The following KMT2A variants were observed in gnomAD, a reference collection of about 807,000 sequenced individuals.
KMT2A encodes the protein lysine methyltransferase 2A.
A neutral mutation model predicts 345.3 loss-of-function variants in KMT2A; 16 were observed. The observed-to-expected ratio is 0.05, with a 90% confidence interval of 0.03 to 0.07. The LOEUF is 0.07. KMT2A is among the 10% of genes least tolerant of loss of function. The probability of loss-of-function intolerance (pLI) is 1.00; values close to 1 mark genes in which losing one functional copy is unlikely to be tolerated. For missense variants in KMT2A, 3,272 were observed against 4,841.6 expected (o/e 0.68, Z 9.62); for synonymous variants, 1,599 against 1,778.6 (o/e 0.90, Z 2.54).
chr11:118,480,991 G>T (rs1950121156), intron 6 of KMT2A, among the ~76,000 whole-genome samples: 1 of 152,052 alleles, frequency 6.6e-6, no homozygotes, highest in African/African-American at 2.4e-5. Context: ...ATATTTATGG[G>T]GGTACATGAG....
At chr11:118,507,788 C>T (rs782182398) in intron 28 of KMT2A, 179 bp downstream of exon 28, 3 of 540,454 alleles carry the variant, frequency 5.6e-6, no homozygotes, top group Non-Finnish European at 1.0e-5. Context: ...GGTGAAACCC[C>T]GTCTCTACTA....
chr11:118,474,726 A>G (rs1489009432), intron 3 of KMT2A, among the ~76,000 whole-genome samples: 3 of 152,162 alleles, frequency 2.0e-5, no homozygotes, highest in African/African-American at 7.2e-5. Context: ...TAATAGTCAA[A>G]TTGTTTTACT....
At chr11:118,499,715 G>T in intron 23 of KMT2A, 120 bp from the exon 24 acceptor site, 1 of 752,968 alleles carries the variant, frequency 1.3e-6, no homozygotes. Context: ...CGGAGGCAGA[G>T]GCTGCAGTGA....
chr11:118,451,134 C>G (rs1555028716), intron 1 of KMT2A, among the ~76,000 whole-genome samples: 1 of 151,460 alleles, frequency 6.6e-6, no homozygotes, highest in East Asian at 1.9e-4. Flanking sequence ...CTTTTATACT[C>G]TAGGTGGATG....
intron 31 of KMT2A, 176 bp from the exon 32 acceptor site, chr11:118,519,442 G>T (rs1555052730): frequency 3.6e-6 from 2 of 560,926 alleles, no homozygotes; most frequent in South Asian, 2.9e-5. Flanking sequence ...CATATTGATA[G>T]ATCTGTATCA....
At position 118,506,536 on chromosome 11, in the gene KMT2A, G is replaced by A. The variant is rs1309149492; in HGVS notation, c.10644G>A (p.Leu3548=). The stretch of plus-strand genomic sequence containing the variant: ...AACCAAAAACCAAACGGTTTCAGCT[G>A]CCTCTAGACAAAGGGAATGGCAAGA... ...KPKPKTKRFQ[L]PLDKGNGKKH... The change falls in exon 27 of 36, where the codon CTG becomes CTA. Residue 3548 remains leucine (L), a synonymous_variant. Transcript: ENST00000534358. The A allele has an allele frequency of 6.2e-7, 1 of 1,614,088 alleles. No individual in the cohort carries two copies. The highest frequency in any genetic ancestry group is 1.3e-5 in the African/African-American group (1 of 74,930).
intron 1 of KMT2A, among the ~76,000 whole-genome samples, chr11:118,438,557 GAT>G (rs1949248261): frequency 6.6e-6 from 1 of 152,104 alleles, no homozygotes; most frequent in South Asian, 2.1e-4. Context: ...GAAAGGGAAA[GAT>G]AACAACCAGC....
chr11:118,504,475 A>C lies in KMT2A; in HGVS notation c.8583A>C (p.Pro2861=). The C allele has an allele frequency of 6.2e-7, 1 of 1,614,182 alleles. No homozygotes were observed. Among genetic ancestry groups the C allele is most frequent in the Non-Finnish European group, 8.5e-7 (1 of 1,180,020 alleles). Residue 2861 remains proline, a synonymous_variant, in exon 27 of 36, where the codon CCA becomes CCC. Coordinates refer to ENST00000534358, the MANE Select transcript of KMT2A (RefSeq NM_001197104.2). The surrounding 1 kb of genome is among the most constrained non-coding windows in gnomAD (Gnocchi z 6.4). ...DIMDFVLKNT[P]SMQALGESPE... ...TGGACTTTGTACTAAAGAATACTCC[A>C]TCCATGCAGGCTTTGGGTGAGAGCC...
At position 118,510,720 on chromosome 11, in the gene KMT2A, A is replaced by T. The variant is rs1164776282; in HGVS notation, c.11071+602A>T. Among the ~76,000 whole-genome samples, 4 of 152,238 alleles carry T rather than the reference A, an allele frequency of 2.6e-5. No individual in the cohort carries two copies. Among genetic ancestry groups the T allele is most frequent in the Admixed American group, 1.3e-4 (2 of 15,286 alleles). On this transcript the variant is annotated intron_variant, in intron 30 of 35. Coordinates refer to ENST00000534358, the MANE Select transcript of KMT2A (RefSeq NM_001197104.2). The surrounding 1 kb of genome is among the most constrained non-coding windows in gnomAD (Gnocchi z 4.1). The stretch of plus-strand genomic sequence containing the variant: ...TCTTATTCATCTTTGTATCGCAAGC[A>T]TCTAAGTGTTCATCCACCTTTGAAG...
rs1949964915 is a variant in KMT2A, at chr11:118,472,714, C to T, written c.1555C>T (p.Pro519Ser). ...TCCTCCACTGCCCATTTCCCAGTCC[C>T]CAGAAAATGAGAGTAATGATAGGAG... Reference protein sequence around the residue: ...VHPPLPISQSPENESNDRRSR... With the variant: ...VHPPLPISQSSENESNDRRSR... The change falls in exon 3 of 36, where the codon CCA becomes TCA. Residue 519 changes from proline to serine, a missense_variant. This residue lies in a region of KMT2A where 180 missense variants were observed against 190.7 expected (regional missense o/e 0.94). Coordinates refer to ENST00000534358, the MANE Select transcript of KMT2A (RefSeq NM_001197104.2). The T allele has an allele frequency of 1.2e-6, 2 of 1,613,288 alleles. No homozygotes were observed. The highest frequency in any genetic ancestry group is 1.6e-4 in the Middle Eastern group (1 of 6,084).
At position 118,498,098 on chromosome 11, in the gene KMT2A, T is replaced by G; in HGVS notation, c.5802+25T>G. On this transcript the variant is annotated intron_variant, in intron 21 of 35. Coordinates refer to ENST00000534358, the MANE Select transcript of KMT2A (RefSeq NM_001197104.2). This position sits in a 1 kb window ranked among gnomAD's most constrained non-coding sequence, Gnocchi z 4.4. ...GGTAAGACCTTATGGGTAAATTTTA[T>G]GAAAGAGATTCCCTCTCAGTTTCCA... The G allele has an allele frequency of 6.2e-7, 1 of 1,607,756 alleles. No individual in the cohort carries two copies. The highest frequency in any genetic ancestry group is 8.5e-7 in the Non-Finnish European group (1 of 1,176,564).
chr11:118,522,217 A>G lies in KMT2A; in HGVS notation c.*45A>G, dbSNP rs1555053825. ...TGTTGGAGTGCAAGGAGGCGGGGCC[A>G]TCCAAAGCAACGCTGAAGGCCTTTT... is the stretch of plus-strand genomic sequence containing the variant. On this transcript the variant is annotated 3_prime_UTR_variant, in exon 36 of 36. Coordinates refer to ENST00000534358, the MANE Select transcript of KMT2A (RefSeq NM_001197104.2). This position sits in a 1 kb window ranked among gnomAD's most constrained non-coding sequence, Gnocchi z 5.4. 7 of 1,599,386 alleles carry G rather than the reference A, an allele frequency of 4.4e-6. No homozygotes were observed. The highest frequency in any genetic ancestry group is 2.2e-5 in the South Asian group (2 of 89,352).
chr11:118,462,322 GT>G (rs1555032936), intron 1 of KMT2A, among the ~76,000 whole-genome samples: 1 of 151,710 alleles, frequency 6.6e-6, no homozygotes, highest in East Asian at 1.9e-4. Context: ...TTTTTGTTTT[GT>G]TTTGTTTTGT....
chr11:118,501,627 T>C (rs782772276), intron 25 of KMT2A, 45 bp from the exon 26 acceptor site: 1 of 1,519,880 alleles, frequency 6.6e-7, no homozygotes, highest in African/African-American at 1.4e-5. Flanking sequence ...TGTTTGATAT[T>C]TTAATTGGGC....
At chr11:118,483,628 A>C (rs1950180987) in intron 8 of KMT2A, among the ~76,000 whole-genome samples, 1 of 152,136 alleles carries the variant, frequency 6.6e-6, no homozygotes. Flanking sequence ...CTAGCCTAGG[A>C]ATCTGCTTAT....
intron 10 of KMT2A, 36 bp downstream of exon 10, chr11:118,485,011 CATAA>C: frequency 8.0e-7 from 1 of 1,256,200 alleles, no homozygotes; most frequent in Non-Finnish European, 1.2e-6. Context: ...CCAGGAAGTA[CATAA>C]ATTATTTTTC....
Position 118,476,830 on chromosome 11 carries a change from C to A in KMT2A, c.3182C>A (p.Thr1061Asn), listed in dbSNP as rs1950046787. The A allele has an allele frequency of 1.2e-6, 2 of 1,612,420 alleles. No homozygotes were observed. The highest frequency in any genetic ancestry group is 2.2e-5 in the South Asian group (2 of 91,048). ...GGTCAAGAAAGTGACTCATCAGAGACCTCTGTGCGAGGACCCCGGATTAAA... is the reference window on the plus strand; with the variant it reads ...GGTCAAGAAAGTGACTCATCAGAGAACTCTGTGCGAGGACCCCGGATTAAA... ...AQGQESDSSE[T>N]SVRGPRIKHV... Residue 1061 changes from threonine (T) to asparagine (N), a missense_variant, in exon 4 of 36, where the codon ACC (threonine) becomes AAC (asparagine). Physicochemically the swap from Thr to Asn is moderately conservative, Grantham distance 65. Around this residue, in one of 27 missense-constraint regions of KMT2A, gnomAD observed 29 missense variants for 27.1 expected, o/e 1.07. Transcript: ENST00000534358. This position sits in a 1 kb window ranked among gnomAD's most constrained non-coding sequence, Gnocchi z 4.1.
chr11:118,499,721 A>G, intron 23 of KMT2A, 114 bp from the exon 24 acceptor site: 1 of 776,954 alleles, frequency 1.3e-6, no homozygotes, highest in Non-Finnish European at 2.2e-6. Flanking sequence ...CAGAGGCTGC[A>G]GTGAGCTGAG....
chr11:118,509,893 T>G, intron 29 of KMT2A, 55 bp from the exon 30 acceptor site: 1 of 1,290,712 alleles, frequency 7.7e-7, no homozygotes, highest in Admixed American at 2.0e-5. Flanking sequence ...CTACATGTAG[T>G]CAGTGCTCAG....
Sources: gnomAD v4.1 joint callset for allele counts (sites outside exome capture counted in the v4.1 genomes callset) on GRCh38, gnomAD v4.1.1 for gene constraint, gnomAD v4.1.1 regional missense constraint, Gnocchi (gnomAD v3.1) non-coding constraint, MANE v1.5 for transcripts, NCBI Gene and HGNC (gene_info 2026-07-23, HGNC 2026-07-21) for gene names.